The following PXDNL variants were observed in gnomAD, a reference collection of about 807,000 sequenced individuals.
PXDNL encodes the protein probable oxidoreductase PXDNL.
A neutral mutation model predicts 150.8 loss-of-function variants in PXDNL; 145 were observed. The ratio of observed to expected loss-of-function variants is 0.96; its 90% confidence interval spans 0.84 to 1.10. The LOEUF is 1.10. PXDNL is among the 50% of genes least tolerant of loss of function. The probability of loss-of-function intolerance (pLI) is 0.00; values close to 1 mark genes in which losing one functional copy is unlikely to be tolerated. For missense variants in PXDNL, 2,087 were observed against 1,873.9 expected, an observed-to-expected ratio of 1.11 and a Z score of -2.10; for synonymous variants, 757 against 725.7, an observed-to-expected ratio of 1.04 and a Z score of -0.69.
intron 5 of PXDNL, among the ~76,000 whole-genome samples, chr8:51,495,883 C>A (rs1463837619): frequency 6.6e-6 from 1 of 152,148 alleles, no homozygotes; most frequent in African/African-American, 2.4e-5. Flanking sequence ...CCTTCTGAAA[C>A]TATTCCAATC....
At chr8:51,491,217 C>G (rs973687687) in intron 5 of PXDNL, among the ~76,000 whole-genome samples, 2 of 152,038 alleles carry the variant, frequency 1.3e-5, no homozygotes, top group African/African-American at 2.4e-5. Flanking sequence ...ATTGTGGGAC[C>G]CTGTGATAAT....
chr8:51,507,708 C>T (rs1234407684), intron 4 of PXDNL, among the ~76,000 whole-genome samples: 1 of 152,216 alleles, frequency 6.6e-6, no homozygotes, highest in Non-Finnish European at 1.5e-5. Flanking sequence ...TGTCCCCCTC[C>T]ATCCTCCCAG....
rs113890036 is a variant in PXDNL, at chr8:51,503,211, T to C, written c.381-3441A>G. ...ACAAATGTTTTCTGCTGGACTTCAA[T>C]CTAATACACAGTAGGGTAAGCAACT... On this transcript the variant is annotated intron_variant, in intron 4 of 22. Transcript: ENST00000356297. Among the ~76,000 whole-genome samples, 926 of 152,260 alleles carry C rather than the reference T, an allele frequency of 6.1e-3. 4 individuals are homozygous for C. Among genetic ancestry groups the C allele is most frequent in the African/African-American group, 0.021 (882 of 41,542 alleles).
At chr8:51,550,876 G>C (rs1287366213) in intron 4 of PXDNL, among the ~76,000 whole-genome samples, 2 of 152,128 alleles carry the variant, frequency 1.3e-5, no homozygotes, top group African/African-American at 4.8e-5. Flanking sequence ...GAGTCAAACT[G>C]TCGTTGTTCA....
At chr8:51,544,316 G>A (rs899589802) in intron 4 of PXDNL, among the ~76,000 whole-genome samples, 1 of 152,050 alleles carries the variant, frequency 6.6e-6, no homozygotes, top group South Asian at 2.1e-4. Flanking sequence ...GGAGGGGTGA[G>A]GCCTGATAAT....
At chr8:51,364,731 T>C (rs1806863054) in intron 19 of PXDNL, among the ~76,000 whole-genome samples, 1 of 152,134 alleles carries the variant, frequency 6.6e-6, no homozygotes, top group Non-Finnish European at 1.5e-5. Context: ...CCTCTTAACC[T>C]ACATCATAGG....
chr8:51,405,949 T>A (rs1191200385), intron 17 of PXDNL, among the ~76,000 whole-genome samples: 1 of 152,162 alleles, frequency 6.6e-6, no homozygotes, highest in Non-Finnish European at 1.5e-5. Flanking sequence ...CAATATCCCA[T>A]AGGCATGAAA....
intron 1 of PXDNL, among the ~76,000 whole-genome samples, chr8:51,658,574 T>G (rs1342695232): frequency 6.6e-6 from 1 of 152,138 alleles, no homozygotes; most frequent in African/African-American, 2.4e-5. Context: ...CCTTCCTAAT[T>G]TGAATCCCAG....
rs1344646400 is a variant in PXDNL at position 51,716,291 on chromosome 8, GC to G, written c.165-61532del. Among the ~76,000 whole-genome samples the G allele has an allele frequency of 2.0e-5, 3 of 152,210 alleles. No individual in the cohort carries two copies. In the East Asian group the frequency reaches 5.8e-4, roughly 29 times the overall value. ...TATTTCTTGACAGCTGTACCTTGGA[GC>G]CATTGCATTTCTGGCAGCCTTGCTA... On this transcript the variant is annotated intron_variant, in intron 1 of 22. Transcript: ENST00000356297.
chr8:51,400,925 C>A (rs994106680), intron 17 of PXDNL, among the ~76,000 whole-genome samples: 1 of 152,078 alleles, frequency 6.6e-6, no homozygotes, highest in South Asian at 2.1e-4. Context: ...GGTGTTCAAG[C>A]AAAGAATAAT....
intron 17 of PXDNL, among the ~76,000 whole-genome samples, chr8:51,403,633 T>C (rs1808337104): frequency 6.6e-6 from 1 of 152,206 alleles, no homozygotes; most frequent in East Asian, 1.9e-4. Flanking sequence ...CTCATGTATC[T>C]CAAATGTCCT....
chr8:51,728,046 T>C (rs144575314), intron 1 of PXDNL, among the ~76,000 whole-genome samples: 1 of 152,358 alleles, frequency 6.6e-6, no homozygotes, highest in Non-Finnish European at 1.5e-5. Flanking sequence ...ATGCACCACA[T>C]AACGATGTTT....
intron 19 of PXDNL, among the ~76,000 whole-genome samples, chr8:51,369,040 C>T (rs577392115): frequency 1.3e-5 from 2 of 152,048 alleles, no homozygotes; most frequent in African/African-American, 4.8e-5. Flanking sequence ...ATTTAAACAC[C>T]ATCACTTATT....
intron 19 of PXDNL, among the ~76,000 whole-genome samples, chr8:51,350,515 C>A (rs1806317532): frequency 6.6e-6 from 1 of 151,828 alleles, no homozygotes; most frequent in South Asian, 2.1e-4. Context: ...CCACACTACC[C>A]GGCTAATTTT....
chr8:51,646,441 G>A (rs1814920719), intron 2 of PXDNL, among the ~76,000 whole-genome samples: 1 of 152,140 alleles, frequency 6.6e-6, no homozygotes, highest in Non-Finnish European at 1.5e-5. Context: ...AACACAAAGT[G>A]CAATTAAGGA....
chr8:51,710,226 T>C (rs1476951080), intron 1 of PXDNL, among the ~76,000 whole-genome samples: 3 of 152,252 alleles, frequency 2.0e-5, no homozygotes, highest in African/African-American at 4.8e-5. Flanking sequence ...AGATTTTATA[T>C]TGTATCACTT....
chr8:51,790,893 A>G (rs1313741441), intron 1 of PXDNL, among the ~76,000 whole-genome samples: 1 of 90,836 alleles, frequency 1.1e-5, no homozygotes, highest in Non-Finnish European at 3.1e-5. Flanking sequence ...TAATCTTTGT[A>G]AATACACTTC....
chr8:51,549,861 A>G (rs1203026633), intron 4 of PXDNL, among the ~76,000 whole-genome samples: 1 of 152,132 alleles, frequency 6.6e-6, no homozygotes, highest in Non-Finnish European at 1.5e-5. Flanking sequence ...ATGGAAACAA[A>G]CAATACAATA....
chr8:51,550,802 G>A (rs113741371), intron 4 of PXDNL, among the ~76,000 whole-genome samples: 4,839 of 152,132 alleles, frequency 0.032, 113 homozygotes, highest in African/African-American at 0.062. Flanking sequence ...GCATAGTACT[G>A]GAAGTCCTAG....
Sources: allele counts gnomAD v4.1 joint callset (sites outside exome capture counted in the v4.1 genomes callset), GRCh38; gene constraint gnomAD v4.1.1; transcripts MANE v1.5; gene names NCBI Gene and HGNC (gene_info 2026-07-23, HGNC 2026-07-21).